MAGI1: variants seen among roughly 807,000 people sequenced by gnomAD.
The protein encoded by MAGI1 is membrane associated guanylate kinase, WW and PDZ domain containing 1.
A neutral mutation model predicts 139.9 loss-of-function variants in MAGI1; 58 were observed. The observed-to-expected ratio is 0.41, with a 90% CI of 0.34 to 0.52. MAGI1 has a LOEUF of 0.52. Ranked by LOEUF, MAGI1 falls within the 20% of genes least tolerant of loss-of-function variation. The pLI is 0.12. For synonymous variants in MAGI1, 812 were observed against 737.9 expected (o/e 1.10, Z -1.63); for missense variants, 1,874 against 1,901.6 (o/e 0.99, Z 0.27).
chr3:65,428,294 G>A (rs1329281053), intron 12 of MAGI1, among the ~76,000 whole-genome samples: 1 of 152,172 alleles, frequency 6.6e-6, no homozygotes, highest in Non-Finnish European at 1.5e-5. Flanking sequence ...CCATTCTCAG[G>A]CCCACTGTGT....
At chr3:65,515,356 T>C (rs1278091825) in intron 2 of MAGI1, among the ~76,000 whole-genome samples, 4 of 152,150 alleles carry the variant, frequency 2.6e-5, no homozygotes, top group Non-Finnish European at 5.9e-5. Context: ...TTAACCACTT[T>C]ATAAAATGTT....
intron 2 of MAGI1, among the ~76,000 whole-genome samples, chr3:65,585,161 A>C (rs761791210): frequency 3.9e-5 from 6 of 152,244 alleles, no homozygotes; most frequent in Admixed American, 2.6e-4. Flanking sequence ...AGGGTCATTC[A>C]GACAGTCAAG....
At chr3:65,402,654 CT>C (rs1945003715) in intron 12 of MAGI1, among the ~76,000 whole-genome samples, 2 of 152,072 alleles carry the variant, frequency 1.3e-5, no homozygotes, top group African/African-American at 2.4e-5. Flanking sequence ...GATCTCAACT[CT>C]TTTGGAAGTG....
intron 1 of MAGI1, among the ~76,000 whole-genome samples, chr3:65,883,667 G>A (rs2060422247): frequency 6.6e-6 from 1 of 152,212 alleles, no homozygotes; most frequent in Non-Finnish European, 1.5e-5. Context: ...AGACTATCCA[G>A]TTGTGAGACA....
intron 2 of MAGI1, among the ~76,000 whole-genome samples, chr3:65,548,523 T>C (rs886429236): frequency 7.9e-4 from 93 of 117,648 alleles, no homozygotes; most frequent in Admixed American, 1.2e-3. Flanking sequence ...TTTTTTTTTT[T>C]TTTTTTTTTT....
intron 12 of MAGI1, among the ~76,000 whole-genome samples, chr3:65,428,845 A>G (rs2107332189): frequency 6.6e-6 from 1 of 152,322 alleles, no homozygotes; most frequent in Non-Finnish European, 1.5e-5. Flanking sequence ...AAGTGATGGG[A>G]GAAGCCCTCT....
intron 1 of MAGI1, among the ~76,000 whole-genome samples, chr3:65,667,110 G>A (rs9829269): frequency 1.8e-4 from 28 of 152,228 alleles, no homozygotes; most frequent in African/African-American, 6.0e-4. Flanking sequence ...AGGAAAAAAG[G>A]TGTTCAAATT....
chr3:65,456,624 G>T (rs1163636484), intron 5 of MAGI1, among the ~76,000 whole-genome samples: 1 of 151,776 alleles, frequency 6.6e-6, no homozygotes, highest in Non-Finnish European at 1.5e-5. Context: ...CTGGTTTTTT[G>T]GTTCCCTAAA....
chr3:65,363,368 T>C (rs1168832795), intron 21 of MAGI1, 97 bp downstream of exon 21: 6 of 1,365,946 alleles, frequency 4.4e-6, no homozygotes, highest in South Asian at 1.6e-5. Context: ...CTATAGAAAA[T>C]GTAGTTCTTA....
chr3:65,907,179 T>C (rs764765), intron 1 of MAGI1, among the ~76,000 whole-genome samples: 1 of 152,188 alleles, frequency 6.6e-6, no homozygotes, highest in Non-Finnish European at 1.5e-5. Flanking sequence ...ATTTTTCAAA[T>C]TGCTAAAAAT....
At chr3:65,834,597 A>T (rs573983749) in intron 1 of MAGI1, among the ~76,000 whole-genome samples, 1 of 152,236 alleles carries the variant, frequency 6.6e-6, no homozygotes, top group Non-Finnish European at 1.5e-5. Flanking sequence ...AGATTCAGTT[A>T]GCTGATGGTG....
intron 1 of MAGI1, among the ~76,000 whole-genome samples, chr3:65,979,090 C>CTT (rs771616578): frequency 2.1e-5 from 1 of 48,136 alleles, no homozygotes; most frequent in Admixed American, 3.0e-4. Context: ...TCTTTTCTTC[C>CTT]CCCCCCCCGC....
At chr3:65,931,329 G>C (rs576503931) in intron 1 of MAGI1, among the ~76,000 whole-genome samples, 1 of 152,084 alleles carries the variant, frequency 6.6e-6, no homozygotes, top group Non-Finnish European at 1.5e-5. Context: ...CACCGCACCC[G>C]GCCCTCCCTT....
chr3:65,529,501 G>A (rs973831025), intron 2 of MAGI1, among the ~76,000 whole-genome samples: 2 of 152,162 alleles, frequency 1.3e-5, no homozygotes, highest in African/African-American at 4.8e-5. Flanking sequence ...ATAGTGAAAC[G>A]TTTTCAAGGC....
chr3:65,754,950 T>C (rs1371200756), intron 1 of MAGI1, among the ~76,000 whole-genome samples: 1 of 149,260 alleles, frequency 6.7e-6, no homozygotes, highest in Non-Finnish European at 1.5e-5. Flanking sequence ...TTATTTATTA[T>C]TTTTTAAATT....
intron 2 of MAGI1, chr3:65,609,816 A>G (rs760263941): frequency 3.3e-5 from 10 of 304,120 alleles, no homozygotes; most frequent in African/African-American, 2.2e-4. Flanking sequence ...GGCTCAAATG[A>G]TCTGCTCATC....
intron 1 of MAGI1, among the ~76,000 whole-genome samples, chr3:65,818,097 G>A (rs1495455): frequency 6.6e-6 from 1 of 151,670 alleles, no homozygotes; most frequent in South Asian, 2.1e-4. Context: ...CTTTGTTAAA[G>A]AGAATTATTT....
At chr3:65,983,450 TTCTG>T (rs1206810569) in intron 1 of MAGI1, among the ~76,000 whole-genome samples, 7 of 152,212 alleles carry the variant, frequency 4.6e-5, no homozygotes, top group African/African-American at 1.7e-4. Context: ...CTCTGGACTT[TTCTG>T]TCTTTTAAAA....
chr3:65,805,165 G>C (rs2040770817), intron 1 of MAGI1, among the ~76,000 whole-genome samples: 1 of 152,068 alleles, frequency 6.6e-6, no homozygotes, highest in South Asian at 2.1e-4. Flanking sequence ...TGTGGAATGG[G>C]AGAAAATTTT....
Sources: gnomAD v4.1 joint callset for allele counts (sites outside exome capture counted in the v4.1 genomes callset) on GRCh38, gnomAD v4.1.1 for gene constraint, MANE v1.5 for transcripts, NCBI Gene and HGNC (gene_info 2026-07-23, HGNC 2026-07-21) for gene names.